Variants in DDX23 observed in about 807,000 individuals in gnomAD.
DDX23 encodes DEAD-box helicase 23, also known as probable ATP-dependent RNA helicase DDX23.
Under a neutral mutation model 102.7 loss-of-function variants are expected in DDX23, and 33 were observed. The observed-to-expected ratio is 0.32, with a 90% CI of 0.24 to 0.43. DDX23 has a LOEUF of 0.43. Among genes scored for constraint, DDX23 ranks in the 20% least tolerant of loss-of-function variants. The pLI, the probability that DDX23 is intolerant of heterozygous loss-of-function variation, is 1.00. For synonymous variants in DDX23, 352 were observed against 376.0 expected, an observed-to-expected ratio of 0.94 and a Z score of 0.74; for missense variants, 549 against 1,086.6, an observed-to-expected ratio of 0.51 and a Z score of 6.96.
intron 1 of DDX23, among the ~76,000 whole-genome samples, chr12:48,847,725 A>G (rs1378226793): frequency 6.6e-6 from 1 of 152,150 alleles, no homozygotes; most frequent in African/African-American, 2.4e-5. Context: ...CTGAGGTGGA[A>G]GGACTGCTTG....
chr12:48,836,266 C>G lies in DDX23; in HGVS notation c.1237G>C (p.Glu413Gln). The G allele has an allele frequency of 6.2e-7, 1 of 1,614,078 alleles. No homozygotes were observed. Among genetic ancestry groups the G allele is most frequent in the Non-Finnish European group, 8.5e-7 (1 of 1,179,986 alleles). ...LEVIDKCGYK[E>Q]PTPIQRQAIP... ...GCCTGACGCTGTATAGGTGTTGGTT[C>G]CTGCAGTGACCCCAAGAAAGAGTAA... Residue 413 changes from glutamate to glutamine, a missense_variant and splice_region_variant, in exon 11 of 17, where the codon GAA (glutamate) becomes CAA (glutamine). Around this residue, in one of 4 missense-constraint regions of DDX23, gnomAD observed 270 missense variants for 707.0 expected, o/e 0.38. Coordinates refer to ENST00000308025, the MANE Select transcript of DDX23 (RefSeq NM_004818.3). The surrounding 1 kb of genome is among the most constrained non-coding windows in gnomAD (Gnocchi z 6.1).
intron 6 of DDX23, 75 bp from the exon 7 acceptor site, chr12:48,837,732 C>T (rs1046500642): frequency 1.3e-5 from 21 of 1,581,728 alleles, no homozygotes; most frequent in Middle Eastern, 1.7e-4. Context: ...GGAATCCAGA[C>T]GAGGAACCCC....
At chr12:48,831,924 T>C in intron 15 of DDX23, 154 bp downstream of exon 15, 1 of 673,980 alleles carries the variant, frequency 1.5e-6, no homozygotes. Flanking sequence ...TTCTCTTTAT[T>C]CCCTCAAACC....
At chr12:48,844,877 G>A (rs1437142375) in intron 2 of DDX23, among the ~76,000 whole-genome samples, 14 of 151,768 alleles carry the variant, frequency 9.2e-5, no homozygotes, top group Admixed American at 9.2e-4. Context: ...GCCTAGCCGG[G>A]CGTGGTGGCT....
At position 48,845,665 on chromosome 12, in the gene DDX23, G is replaced by A. The variant is rs1302350721; in HGVS notation, c.118C>T (p.Pro40Ser). The A allele has an allele frequency of 2.5e-6, 4 of 1,614,212 alleles. No homozygotes were observed. In the South Asian group the frequency reaches 4.4e-5, roughly 18 times the overall value. ...RDRDRDRKSS[P>S]SKDRKRHRSR... is the part of the protein sequence containing the mutation. Reference sequence around the variant, plus strand: ...CGATGCCGCTTTCTATCTTTAGATGGGGAAGACTTCCGGTCCCGGTCTCTA... The same window carrying A: ...CGATGCCGCTTTCTATCTTTAGATGAGGAAGACTTCCGGTCCCGGTCTCTA... Residue 40 changes from proline (P) to serine (S), a missense_variant, in exon 2 of 17, where the codon CCA (proline) becomes TCA (serine). Physicochemically the swap from Pro to Ser is moderately conservative, Grantham distance 74. Transcript: ENST00000308025.
intron 5 of DDX23, among the ~76,000 whole-genome samples, chr12:48,838,574 G>A (rs914994169): frequency 2.6e-5 from 4 of 151,394 alleles, no homozygotes; most frequent in Middle Eastern, 3.2e-3. Context: ...AAATGTGGCC[G>A]AGTGCGGTGG....
intron 1 of DDX23, among the ~76,000 whole-genome samples, chr12:48,848,359 T>G (rs1175848393): frequency 6.6e-6 from 1 of 150,660 alleles, no homozygotes; most frequent in African/African-American, 2.4e-5. Flanking sequence ...TAAATTCTAG[T>G]GTAGCGGAAA....
At chr12:48,831,436 AAAG>A in intron 15 of DDX23, 120 bp from the exon 16 acceptor site, 1 of 935,178 alleles carries the variant, frequency 1.1e-6, no homozygotes, top group Admixed American at 1.9e-5. Context: ...ACGAGAAAGG[AAAG>A]GAAACAAGAG....
chr12:48,831,460 G>C, intron 15 of DDX23, 144 bp from the exon 16 acceptor site: 1 of 798,234 alleles, frequency 1.3e-6, no homozygotes, highest in Non-Finnish European at 2.1e-6. Context: ...AATGATTGCA[G>C]TGAAAGAAGG....
chr12:48,831,562 G>A (rs1232776129), intron 15 of DDX23, among the ~76,000 whole-genome samples: 1 of 152,194 alleles, frequency 6.6e-6, no homozygotes, highest in Non-Finnish European at 1.5e-5. Flanking sequence ...ACAGCTGGGA[G>A]AGCGGTGGAG....
At chr12:48,849,491 G>A (rs1014352553) in intron 1 of DDX23, among the ~76,000 whole-genome samples, 3 of 151,942 alleles carry the variant, frequency 2.0e-5, no homozygotes, top group African/African-American at 7.3e-5. Flanking sequence ...GTGAAACCCC[G>A]TCTCTACTAA....
intron 3 of DDX23, among the ~76,000 whole-genome samples, chr12:48,842,735 C>T (rs1296230020): frequency 3.3e-5 from 5 of 151,664 alleles, no homozygotes; most frequent in Admixed American, 2.6e-4. Flanking sequence ...CGCCTCTGCC[C>T]GGCCGCCCCT....
intron 12 of DDX23, among the ~76,000 whole-genome samples, chr12:48,833,744 A>G (rs1037664219): frequency 6.6e-6 from 1 of 152,190 alleles, no homozygotes; most frequent in Admixed American, 6.5e-5. Context: ...CAAGGATTAG[A>G]CAGAGGAGGC....
intron 5 of DDX23, among the ~76,000 whole-genome samples, chr12:48,839,275 T>C (rs1296782516): frequency 6.6e-6 from 1 of 151,754 alleles, no homozygotes; most frequent in African/African-American, 2.4e-5. Context: ...ATGAGCCCAT[T>C]AGGCTGGGCA....
Position 48,830,400 on chromosome 12 carries a change from G to C in DDX23, c.*69C>G. 1 of 1,538,092 alleles carries C rather than the reference G, an allele frequency of 6.5e-7. No homozygotes were observed. The highest frequency in any genetic ancestry group is 9.0e-7 in the Non-Finnish European group (1 of 1,113,296). ...AGAGTGAGGACCTGGAAAGAGGGAT[G>C]TGAGGGTTCTGAAAAACAGGCATCA... On this transcript the variant is annotated 3_prime_UTR_variant, in exon 17 of 17. Transcript: ENST00000308025. This position sits in a 1 kb window ranked among gnomAD's most constrained non-coding sequence, Gnocchi z 4.9.
chr12:48,850,300 C>T (rs1938735881), intron 1 of DDX23, among the ~76,000 whole-genome samples: 1 of 152,154 alleles, frequency 6.6e-6, no homozygotes, highest in Non-Finnish European at 1.5e-5. Flanking sequence ...AAGATAGCTC[C>T]TAAATTTATA....
intron 3 of DDX23, among the ~76,000 whole-genome samples, chr12:48,841,943 G>A (rs1319520310): frequency 3.4e-5 from 5 of 148,148 alleles, no homozygotes; most frequent in South Asian, 4.3e-4. Context: ...TGTGGGGAGC[G>A]CCTCTGCCCT....
At chr12:48,844,154 A>G in intron 2 of DDX23, 104 bp from the exon 3 acceptor site, 1 of 1,049,006 alleles carries the variant, frequency 9.5e-7, no homozygotes, top group Non-Finnish European at 1.5e-6. Context: ...GTAATGTTTT[A>G]CAAATTAGAG....
intron 1 of DDX23, among the ~76,000 whole-genome samples, chr12:48,849,810 C>T (rs2137499304): frequency 6.6e-6 from 1 of 152,296 alleles, no homozygotes; most frequent in South Asian, 2.1e-4. Flanking sequence ...CGTCCAGGAA[C>T]ACGGCTTGTG....
Sources: gnomAD v4.1 joint callset for allele counts (sites outside exome capture counted in the v4.1 genomes callset) on GRCh38, gnomAD v4.1.1 for gene constraint, gnomAD v4.1.1 regional missense constraint, Gnocchi (gnomAD v3.1) non-coding constraint, MANE v1.5 for transcripts, NCBI Gene and HGNC (gene_info 2026-07-23, HGNC 2026-07-21) for gene names.